Variants in DHRSX observed in about 807,000 individuals in gnomAD.
The protein encoded by DHRSX is polyprenol dehydrogenase.
In DHRSX, 31 loss-of-function variants were observed where a neutral mutation model predicts 34.0. The observed-to-expected ratio is 0.91, with a 90% CI of 0.69 to 1.23. The LOEUF is 1.23. Among genes scored for constraint, DHRSX ranks in the 50% most tolerant of loss-of-function variants. The pLI is 0.00. For missense variants in DHRSX, 414 were observed against 428.1 expected (o/e 0.97, Z 0.29); for synonymous variants, 201 against 183.8 (o/e 1.09, Z -0.76).
intron 3 of DHRSX, among the ~76,000 whole-genome samples, chrX:2,317,059 G>C (rs1393347372): frequency 6.6e-6 from 1 of 151,128 alleles, no homozygotes; most frequent in Non-Finnish European, 1.5e-5. Flanking sequence ...CCGGGTTCAA[G>C]TGATTCTCCT....
At chrX:2,432,237 G>A (rs1340303381) in intron 1 of DHRSX, among the ~76,000 whole-genome samples, 1 of 151,758 alleles carries the variant, frequency 6.6e-6, no homozygotes, top group Non-Finnish European at 1.5e-5. Flanking sequence ...ATAGAAGTTG[G>A]AGGGGGAAAA....
intron 3 of DHRSX, among the ~76,000 whole-genome samples, chrX:2,380,411 TA>T (rs1464271964): frequency 1.4e-5 from 2 of 144,134 alleles, no homozygotes; most frequent in East Asian, 4.1e-4. Flanking sequence ...AAACATATGA[TA>T]AGGAAGCAGG....
At chrX:2,388,284 T>G (rs149931514) in intron 3 of DHRSX, among the ~76,000 whole-genome samples, 2,652 of 152,236 alleles carry the variant, frequency 0.017, 44 homozygotes, top group South Asian at 0.07. Context: ...CCCCCTCAAA[T>G]TCATACATTG....
At chrX:2,405,712 A>G (rs1284512079) in intron 3 of DHRSX, among the ~76,000 whole-genome samples, 1 of 150,224 alleles carries the variant, frequency 6.7e-6, no homozygotes, top group East Asian at 2.0e-4. Context: ...CAGGAGAAAC[A>G]CTTGGGCCTG....
chrX:2,314,823 T>A (rs1472993322), intron 3 of DHRSX, among the ~76,000 whole-genome samples: 1 of 152,068 alleles, frequency 6.6e-6, no homozygotes, highest in Non-Finnish European at 1.5e-5. Context: ...GTCCTGAAAT[T>A]TACCCGACTT....
At chrX:2,250,179 A>C (rs377159005) in intron 5 of DHRSX, among the ~76,000 whole-genome samples, 18,985 of 149,320 alleles carry the variant, frequency 0.13, 2,794 homozygotes, top group East Asian at 0.69. Context: ...AAAAAAAAAA[A>C]AATTAAGCAT....
intron 3 of DHRSX, among the ~76,000 whole-genome samples, chrX:2,358,948 C>T (rs1387685939): frequency 3.4e-5 from 4 of 119,062 alleles, no homozygotes; most frequent in Non-Finnish European, 5.4e-5. Flanking sequence ...GACTCTGTCT[C>T]GGAAAAAAAA....
chrX:2,372,890 G>T (rs1456847284), intron 3 of DHRSX, among the ~76,000 whole-genome samples: 1 of 152,144 alleles, frequency 6.6e-6, no homozygotes, highest in African/African-American at 2.4e-5. Flanking sequence ...GGGATTACAG[G>T]CGTCAGCCAC....
intron 3 of DHRSX, among the ~76,000 whole-genome samples, chrX:2,332,295 C>T (rs144096191): frequency 2.0e-4 from 30 of 152,152 alleles, no homozygotes; most frequent in African/African-American, 5.3e-4. Flanking sequence ...GTGGGTAGCT[C>T]GTAAGAAAGG....
intron 3 of DHRSX, among the ~76,000 whole-genome samples, chrX:2,305,799 AG>A (rs1304669734): frequency 7.6e-6 from 1 of 131,060 alleles, no homozygotes. Context: ...ATGAGAACAC[AG>A]GGACACAGGG....
chrX:2,358,992 T>C (rs1187828299), intron 3 of DHRSX, among the ~76,000 whole-genome samples: 1 of 149,130 alleles, frequency 6.7e-6, no homozygotes, highest in East Asian at 2.0e-4. Context: ...GACAAGCCTA[T>C]GCAAAAACAT....
At chrX:2,432,214 T>C (rs977819726) in intron 1 of DHRSX, among the ~76,000 whole-genome samples, 22 of 151,966 alleles carry the variant, frequency 1.4e-4, no homozygotes, top group African/African-American at 4.6e-4. Flanking sequence ...TTTTTTTTAA[T>C]TTAAAAAATA....
chrX:2,289,727 T>C (rs1183097797), intron 4 of DHRSX, among the ~76,000 whole-genome samples: 2 of 152,208 alleles, frequency 1.3e-5, no homozygotes, highest in South Asian at 2.1e-4. Flanking sequence ...CTAATACTGA[T>C]AGGTCTTCAG....
intron 3 of DHRSX, among the ~76,000 whole-genome samples, chrX:2,363,947 C>A (rs2042969453): frequency 6.6e-6 from 1 of 151,716 alleles, no homozygotes; most frequent in South Asian, 2.1e-4. Flanking sequence ...ACTCAACACA[C>A]AGGGACTGAG....
chrX:2,496,695 G>T (rs1229707747), intron 1 of DHRSX, among the ~76,000 whole-genome samples: 1 of 151,804 alleles, frequency 6.6e-6, no homozygotes, highest in African/African-American at 2.4e-5. Flanking sequence ...AAAAATAGCG[G>T]GTGATAGATA....
chrX:2,289,166 G>A lies in DHRSX; in HGVS notation c.388+2336C>T, dbSNP rs188643200. ...ACAGTCTTGCTCTGTTGCTCAGGCT[G>A]GAGTGCAATGGTGTGGTCTCGGCTC... On this transcript the variant is annotated intron_variant, in intron 4 of 6. Coordinates refer to ENST00000334651, the MANE Select transcript of DHRSX (RefSeq NM_145177.3). Among the ~76,000 whole-genome samples the A allele has an allele frequency of 5.9e-4, 89 of 151,372 alleles. 1 individual carries two copies. Among genetic ancestry groups the A allele is most frequent in the African/African-American group, 2.1e-3 (87 of 41,178 alleles).
chrX:2,268,832 C>T (rs182563336), intron 4 of DHRSX, among the ~76,000 whole-genome samples: 22 of 152,344 alleles, frequency 1.4e-4, no homozygotes, highest in Admixed American at 3.3e-4. Flanking sequence ...ATTATTTGTA[C>T]ATTGGAACAT....
At chrX:2,264,836 C>CG (rs1335290673) in intron 5 of DHRSX, among the ~76,000 whole-genome samples, 1 of 90,226 alleles carries the variant, frequency 1.1e-5, no homozygotes, top group Non-Finnish European at 2.2e-5. Context: ...CAAGGAGCAC[C>CG]GTTCTCAGAG....
intron 3 of DHRSX, among the ~76,000 whole-genome samples, chrX:2,330,388 G>C (rs1217270627): frequency 2.6e-5 from 4 of 151,638 alleles, no homozygotes; most frequent in African/African-American, 9.7e-5. Flanking sequence ...GGGCAGGGTG[G>C]TGCATGCCTG....
Sources: allele counts gnomAD v4.1 joint callset (sites outside exome capture counted in the v4.1 genomes callset), GRCh38; gene constraint gnomAD v4.1.1; transcripts MANE v1.5; gene names NCBI Gene and HGNC (gene_info 2026-07-23, HGNC 2026-07-21).